CELF2: variants seen among roughly 807,000 people sequenced by gnomAD.
The protein encoded by CELF2 is CUGBP Elav-like family member 2, also known as CUG triplet repeat RNA-binding protein 2.
A neutral mutation model predicts 62.6 loss-of-function variants in CELF2; 8 were observed. That is an observed-to-expected ratio of 0.13 (90% CI 0.07 to 0.23). The LOEUF is 0.23. Among genes scored for constraint, CELF2 ranks in the 10% least tolerant of loss-of-function variants. The pLI is 1.00. For missense variants in CELF2, 333 were observed against 671.0 expected (o/e 0.50, Z 5.56); for synonymous variants, 258 against 250.0 (o/e 1.03, Z -0.30).
Position 11,197,049 on chromosome 10 carries a change from G to GAAAGAAAGAAAGA in CELF2, c.272-20365_272-20364insGAAAAGAAAGAAA, listed in dbSNP as rs1181847217. ...GAAAAGAAAGAAAGAAAGAAAGAAA[G>GAAAGAAAGAAAGA]AAAGAAAGAAAAGAAAGAAAGGAAA... On this transcript the variant is annotated intron_variant, in intron 2 of 12. Transcript: ENST00000633077. Among the ~76,000 whole-genome samples, 9 of 51,630 alleles carry GAAAGAAAGAAAGA rather than the reference G, an allele frequency of 1.7e-4. 3 individuals carry two copies. Among genetic ancestry groups the GAAAGAAAGAAAGA allele is most frequent in the Admixed American group, 9.5e-4 (6 of 6,336 alleles). The allele number at this position is 51,630 out of a possible 152,430, so 33.9% of individuals were successfully genotyped here.
intron 1 of CELF2, among the ~76,000 whole-genome samples, chr10:11,146,564 C>G (rs2062319316): frequency 6.6e-6 from 1 of 152,208 alleles, no homozygotes; most frequent in Admixed American, 6.5e-5. Context: ...GAATTACTCA[C>G]AAAGAAAGTG....
At chr10:10,499,525 G>A in the CELF2 span, among the ~76,000 whole-genome samples, 1 of 152,282 alleles carries the variant, frequency 6.6e-6, no homozygotes, top group East Asian at 1.9e-4. Flanking sequence ...TTGGGGCAGA[G>A]GAGGGAAAGA....
chr10:11,186,116 CTG>C (rs2074802575), intron 2 of CELF2, among the ~76,000 whole-genome samples: 1 of 152,140 alleles, frequency 6.6e-6, no homozygotes, highest in African/African-American at 2.4e-5. Context: ...TGTCATAAAA[CTG>C]TGTATAATCC....
chr10:11,276,680 GCCTCAGGCTTT>G (rs1368091344), intron 8 of CELF2, among the ~76,000 whole-genome samples: 1 of 152,232 alleles, frequency 6.6e-6, no homozygotes, highest in African/African-American at 2.4e-5. Context: ...CTTAGAGGTG[GCCTCAGGCTTT>G]CCTACCCCCA....
chr10:10,608,153 C>A, the CELF2 span, among the ~76,000 whole-genome samples: 1 of 151,978 alleles, frequency 6.6e-6, no homozygotes, highest in African/African-American at 2.4e-5. Context: ...AACAAACAAA[C>A]AAACAAACCT....
chr10:10,802,253 T>G (rs2054744334), intron 1 of CELF2, among the ~76,000 whole-genome samples: 1 of 151,966 alleles, frequency 6.6e-6, no homozygotes, highest in African/African-American at 2.4e-5. Context: ...AGGCGGATCA[T>G]GAGGTCAAGA....
At chr10:10,561,134 ATAT>A in the CELF2 span, among the ~76,000 whole-genome samples, 2 of 152,168 alleles carry the variant, frequency 1.3e-5, no homozygotes, top group Non-Finnish European at 2.9e-5. Flanking sequence ...ATGTAATCAA[ATAT>A]TACTGATACC....
chr10:10,894,131 C>T (rs531310682), intron 1 of CELF2, among the ~76,000 whole-genome samples: 28 of 151,704 alleles, frequency 1.8e-4, no homozygotes, highest in African/African-American at 6.0e-4. Flanking sequence ...AAAAAAAAGG[C>T]CAAATGATAG....
At chr10:10,807,704 A>G (rs2055376211) in intron 1 of CELF2, among the ~76,000 whole-genome samples, 1 of 152,252 alleles carries the variant, frequency 6.6e-6, no homozygotes, top group Non-Finnish European at 1.5e-5. Flanking sequence ...AAAATAGAGT[A>G]TTAAAGAGCC....
chr10:10,499,085 T>G, the CELF2 span, among the ~76,000 whole-genome samples: 4 of 151,824 alleles, frequency 2.6e-5, no homozygotes, highest in East Asian at 1.9e-4. Context: ...TTTTTTTTTT[T>G]TGAGAGAGTC....
the CELF2 span, among the ~76,000 whole-genome samples, chr10:10,518,717 ATTTTTT>A: frequency 4.1e-5 from 6 of 145,988 alleles, no homozygotes; most frequent in South Asian, 2.1e-4. Flanking sequence ...CCACAAAATG[ATTTTTT>A]TTTAAAAAAA....
chr10:10,536,088 C>T, the CELF2 span, among the ~76,000 whole-genome samples: 2 of 148,996 alleles, frequency 1.3e-5, no homozygotes, highest in African/African-American at 5.0e-5. Context: ...GGTGCGATCT[C>T]GACTCATTGC....
Position 11,039,648 on chromosome 10 carries a change from C to G in CELF2, c.74+21485C>G, listed in dbSNP as rs1164791422. Among the ~76,000 whole-genome samples, 1 of 152,138 alleles carries G rather than the reference C, an allele frequency of 6.6e-6. No homozygotes were observed. Among genetic ancestry groups the G allele is most frequent in the Admixed American group, 6.5e-5 (1 of 15,278 alleles). ...TCACAGTTTAAGGTTCCATTTAAAG[C>G]CACTCAATGGAAGATAGGTTAAGTG... On this transcript the variant is annotated intron_variant, in intron 1 of 12. Coordinates refer to ENST00000633077, the MANE Select transcript of CELF2 (RefSeq NM_001326342.2). This position sits in a 1 kb window ranked among gnomAD's most constrained non-coding sequence, Gnocchi z 4.1.
At chr10:11,176,241 G>A (rs955153479) in intron 2 of CELF2, among the ~76,000 whole-genome samples, 1 of 152,130 alleles carries the variant, frequency 6.6e-6, no homozygotes, top group Non-Finnish European at 1.5e-5. Flanking sequence ...ACAAGAAGAG[G>A]CTAAAGTTTC....
rs550485651 is a variant in CELF2 at position 11,270,312 on chromosome 10, C to A, written c.619-354C>A. On this transcript the variant is annotated intron_variant, in intron 6 of 12. Coordinates refer to ENST00000633077, the MANE Select transcript of CELF2 (RefSeq NM_001326342.2). The surrounding 1 kb of genome is among the most constrained non-coding windows in gnomAD (Gnocchi z 5.8). ...CACAAAGCCAAGTCTGTCTTTAAGA[C>A]GAGCAGCCTGAGAAGCTCAATTAAA... is the stretch of plus-strand genomic sequence containing the variant. Among the ~76,000 whole-genome samples, 1 of 152,166 alleles carries A rather than the reference C, an allele frequency of 6.6e-6. No homozygotes were observed. Among genetic ancestry groups the A allele is most frequent in the Non-Finnish European group, 1.5e-5 (1 of 68,034 alleles).
chr10:11,172,760 T>C (rs2133705972), intron 2 of CELF2, among the ~76,000 whole-genome samples: 1 of 152,352 alleles, frequency 6.6e-6, no homozygotes, highest in East Asian at 1.9e-4. Context: ...AAGAAATTAC[T>C]CCTGGCCGCT....
chr10:10,859,711 G>A (rs1184621217), intron 1 of CELF2, among the ~76,000 whole-genome samples: 1 of 152,054 alleles, frequency 6.6e-6, no homozygotes, highest in Non-Finnish European at 1.5e-5. Context: ...CACACATTAT[G>A]CCACTAGGTT....
intron 1 of CELF2, among the ~76,000 whole-genome samples, chr10:10,813,189 G>A (rs1288195155): frequency 1.3e-5 from 2 of 152,188 alleles, no homozygotes; most frequent in Non-Finnish European, 2.9e-5. Context: ...CAGATGTGCT[G>A]TCTCTGAGCT....
rs908229536 is a variant in CELF2, at chr10:11,116,012, T to G, written c.75-49474T>G. On this transcript the variant is annotated intron_variant, in intron 1 of 12. Coordinates refer to ENST00000633077, the MANE Select transcript of CELF2 (RefSeq NM_001326342.2). ...CCCTGTAGCAGCCAGCATGGTGCTG[T>G]ATCTTGGTTTCCAAATGATAAATGC... Among the ~76,000 whole-genome samples, 7 of 152,252 alleles carry G rather than the reference T, an allele frequency of 4.6e-5. 1 individual carries two copies. Among genetic ancestry groups the G allele is most frequent in the Admixed American group, 4.6e-4 (7 of 15,290 alleles).
Sources: allele counts gnomAD v4.1 joint callset (sites outside exome capture counted in the v4.1 genomes callset), GRCh38; gene constraint gnomAD v4.1.1; non-coding constraint Gnocchi (gnomAD v3.1); transcripts MANE v1.5; gene names NCBI Gene and HGNC (gene_info 2026-07-23, HGNC 2026-07-21).